The following FMN2 variants were observed in gnomAD, a reference collection of about 807,000 sequenced individuals.
FMN2 encodes the protein formin-2.
In FMN2, 51 loss-of-function variants were observed where a neutral mutation model predicts 142.3. The ratio of observed to expected loss-of-function variants is 0.36; its 90% CI spans 0.29 to 0.45. The LOEUF (loss-of-function observed/expected upper bound fraction) is 0.45. Ranked by LOEUF, FMN2 falls within the 20% of genes least tolerant of loss-of-function variation. FMN2 has a pLI of 1.00. For missense variants in FMN2, 1,936 were observed against 2,122.8 expected, an observed-to-expected ratio of 0.91 and a Z score of 1.73; for synonymous variants, 882 against 869.8, an observed-to-expected ratio of 1.01 and a Z score of -0.25.
chr1:240,165,517 A>G (rs1558331850), intron 2 of FMN2, among the ~76,000 whole-genome samples: 1 of 152,074 alleles, frequency 6.6e-6, no homozygotes, highest in Non-Finnish European at 1.5e-5. Flanking sequence ...GAGATTTAAC[A>G]TAGCTATTTT....
At chr1:240,440,508 T>G (rs1182361227) in intron 16 of FMN2, among the ~76,000 whole-genome samples, 3 of 152,196 alleles carry the variant, frequency 2.0e-5, no homozygotes, top group Non-Finnish European at 2.9e-5. Flanking sequence ...TTTTTGGTTC[T>G]TTATCCTGTG....
At chr1:240,452,539 T>C (rs1676098496) in intron 16 of FMN2, among the ~76,000 whole-genome samples, 1 of 152,022 alleles carries the variant, frequency 6.6e-6, no homozygotes, top group Admixed American at 6.6e-5. Context: ...GTTTATTTTT[T>C]AAAATTAACC....
chr1:240,418,136 A>T (rs1674641294), intron 15 of FMN2, among the ~76,000 whole-genome samples: 1 of 150,728 alleles, frequency 6.6e-6, no homozygotes, highest in African/African-American at 2.4e-5. Flanking sequence ...CTGAATTTTT[A>T]TTTTGATATT....
At chr1:240,381,171 GA>G (rs1173330637) in intron 14 of FMN2, among the ~76,000 whole-genome samples, 1 of 152,094 alleles carries the variant, frequency 6.6e-6, no homozygotes, top group Non-Finnish European at 1.5e-5. Flanking sequence ...AAAACAGTAT[GA>G]CCCTGGTACC....
At chr1:240,282,233 C>T (rs1269558639) in intron 7 of FMN2, among the ~76,000 whole-genome samples, 2 of 152,174 alleles carry the variant, frequency 1.3e-5, no homozygotes, top group African/African-American at 2.4e-5. Flanking sequence ...CTTACCAAGT[C>T]TCTCCAAGAG....
At chr1:240,232,959 A>G (rs902145818) in intron 6 of FMN2, among the ~76,000 whole-genome samples, 1 of 152,194 alleles carries the variant, frequency 6.6e-6, no homozygotes, top group African/African-American at 2.4e-5. Flanking sequence ...GTGTTTACTC[A>G]CATCAACATC....
chr1:240,338,747 T>G (rs766990587), intron 13 of FMN2, among the ~76,000 whole-genome samples: 13 of 152,096 alleles, frequency 8.5e-5, no homozygotes, highest in Non-Finnish European at 1.3e-4. Flanking sequence ...GACAAGCCAG[T>G]GGGGGATGGT....
chr1:240,268,001 G>A (rs1668875198), intron 7 of FMN2, among the ~76,000 whole-genome samples: 1 of 151,898 alleles, frequency 6.6e-6, no homozygotes, highest in Non-Finnish European at 1.5e-5. Context: ...TACTAGCGAG[G>A]CTGTGAGAAG....
chr1:240,357,610 GT>G (rs11293253), intron 14 of FMN2, among the ~76,000 whole-genome samples: 25,695 of 138,182 alleles, frequency 0.19, 2,079 homozygotes, highest in Admixed American at 0.28. Context: ...AACCTTACGG[GT>G]TTTTTTTTTT....
At position 240,092,621 on chromosome 1, in the gene FMN2, A is replaced by T; in HGVS notation, c.512A>T (p.Asp171Val). ...EDVETAAGAQDGQRTSSGSDT... is the reference protein window; with the variant it reads ...EDVETAAGAQVGQRTSSGSDT... ...GTGGAAACTGCAGCAGGGGCGCAGGATGGACAAAGGACCAGCTCGGGCTCG... is the reference window on the plus strand; with the variant it reads ...GTGGAAACTGCAGCAGGGGCGCAGGTTGGACAAAGGACCAGCTCGGGCTCG... Residue 171 changes from aspartate (D) to valine (V), a missense_variant, in exon 1 of 18, where the codon GAT (aspartate) becomes GTT (valine). Around this residue, in one of 8 missense-constraint regions of FMN2, gnomAD observed 751 missense variants for 791.8 expected, o/e 0.95. Transcript: ENST00000319653. 3 of 1,614,050 alleles carry T rather than the reference A, an allele frequency of 1.9e-6. No homozygotes were observed. Among genetic ancestry groups the T allele is most frequent in the Non-Finnish European group, 2.5e-6 (3 of 1,180,010 alleles).
chr1:240,256,291 A>G (rs1247188437), intron 6 of FMN2, among the ~76,000 whole-genome samples: 1 of 152,170 alleles, frequency 6.6e-6, no homozygotes, highest in East Asian at 1.9e-4. Context: ...CTGTACTAAT[A>G]GGCCCATATT....
chr1:240,413,120 C>CTCAAAAAAAA lies in FMN2; in HGVS notation c.4910+20558_4910+20559insTCAAAAAAAA, dbSNP rs1259612812. Among the ~76,000 whole-genome samples the CTCAAAAAAAA allele has an allele frequency of 7.7e-4, 19 of 24,566 alleles. 4 individuals carry two copies. Among genetic ancestry groups the CTCAAAAAAAA allele is most frequent in the African/African-American group, 2.2e-3 (19 of 8,612 alleles). 16.1% of individuals were successfully genotyped at this position (24,566 alleles called of 152,430 possible). On this transcript the variant is annotated intron_variant, in intron 15 of 17. Coordinates refer to ENST00000319653, the MANE Select transcript of FMN2 (RefSeq NM_020066.5). ...CCTGGGCGACAAAGCGAGACTCTGT[C>CTCAAAAAAAA]AAAAAAAAAAAAAAAAAAAAAAAAA...
chr1:240,262,600 T>A (rs919967669), intron 7 of FMN2, among the ~76,000 whole-genome samples: 2 of 152,110 alleles, frequency 1.3e-5, no homozygotes, highest in African/African-American at 2.4e-5. Flanking sequence ...TTTTCATAGA[T>A]AACAGTAGCT....
intron 16 of FMN2, among the ~76,000 whole-genome samples, chr1:240,444,245 C>T (rs1428691348): frequency 6.6e-6 from 1 of 152,184 alleles, no homozygotes; most frequent in East Asian, 1.9e-4. Context: ...TTTGAGCTAG[C>T]AGTATAGCAC....
intron 6 of FMN2, among the ~76,000 whole-genome samples, chr1:240,227,705 G>A (rs991828233): frequency 6.6e-6 from 1 of 152,136 alleles, no homozygotes; most frequent in Non-Finnish European, 1.5e-5. Flanking sequence ...TGAAAGAATG[G>A]TCTTTTCAAC....
chr1:240,424,945 G>A lies in FMN2; in HGVS notation c.4911-13116G>A, dbSNP rs892202363. 5.3e-5 allele frequency among the ~76,000 whole-genome samples: 8 copies of A among 152,166 alleles called. No individual in the cohort carries two copies. In the East Asian group the frequency reaches 1.2e-3, roughly 22 times the overall value. The stretch of plus-strand genomic sequence containing the variant: ...AGTAAACATTCTTCAAACAACTCCT[G>A]TGTGCCAAGCATTGTTCAGGTGCCT... On this transcript the variant is annotated intron_variant, in intron 15 of 17. Coordinates refer to ENST00000319653, the MANE Select transcript of FMN2 (RefSeq NM_020066.5).
At chr1:240,445,132 C>A (rs1675760833) in intron 16 of FMN2, among the ~76,000 whole-genome samples, 1 of 152,088 alleles carries the variant, frequency 6.6e-6, no homozygotes, top group Non-Finnish European at 1.5e-5. Context: ...CCAATGGAGG[C>A]CGAGGGTGTG....
intron 15 of FMN2, among the ~76,000 whole-genome samples, chr1:240,410,794 A>G (rs1476741576): frequency 1.3e-5 from 2 of 151,816 alleles, no homozygotes; most frequent in South Asian, 2.1e-4. Flanking sequence ...TTCCCTTTTT[A>G]TTCATTTTTA....
chr1:240,159,970 T>TACACACACACACAC (rs1221510945), intron 2 of FMN2, among the ~76,000 whole-genome samples: 48 of 113,918 alleles, frequency 4.2e-4, no homozygotes, highest in African/African-American at 1.6e-3. Context: ...TGTATATATA[T>TACACACACACACAC]ATATACACAC....
Sources: gnomAD v4.1 joint callset for allele counts (sites outside exome capture counted in the v4.1 genomes callset) on GRCh38, gnomAD v4.1.1 for gene constraint, gnomAD v4.1.1 regional missense constraint, MANE v1.5 for transcripts, NCBI Gene and HGNC (gene_info 2026-07-23, HGNC 2026-07-21) for gene names.